Variants in OSBPL6 observed in about 807,000 individuals in gnomAD.
The protein encoded by OSBPL6 is oxysterol-binding protein-related protein 6.
OSBPL6 carries 49 observed loss-of-function variants against 125.8 expected under a neutral mutation model. The observed-to-expected ratio is 0.39, with a 90% CI of 0.31 to 0.49. The LOEUF (loss-of-function observed/expected upper bound fraction) is 0.49. Among genes scored for constraint, OSBPL6 ranks in the 20% least tolerant of loss-of-function variants. The pLI, the probability that OSBPL6 is intolerant of heterozygous loss-of-function variation, is 0.88. For missense variants in OSBPL6, 986 were observed against 1,135.4 expected, an observed-to-expected ratio of 0.87 and a Z score of 1.89; for synonymous variants, 394 against 391.8, an observed-to-expected ratio of 1.01 and a Z score of -0.07.
Position 178,265,487 on chromosome 2 carries a change from T to TAC in OSBPL6, c.-350-19438_-350-19437dup, listed in dbSNP as rs536447047. 2.0e-5 allele frequency among the ~76,000 whole-genome samples: 3 copies of TAC among 152,256 alleles called. No individual in the cohort carries two copies. In the East Asian group the frequency reaches 5.8e-4, roughly 29 times the overall value. On this transcript the variant is annotated intron_variant, in intron 1 of 24. Transcript: ENST00000190611. Reference sequence around the variant, plus strand: ...CCTTAGCCTCCCAAAGTGCTGGGATTACAGGTGCAGGCCAACGTGCCAGCT... The same window carrying TAC: ...CCTTAGCCTCCCAAAGTGCTGGGATTACACAGGTGCAGGCCAACGTGCCAGCT...
At chr2:178,313,659 G>A (rs1329381838) in intron 3 of OSBPL6, among the ~76,000 whole-genome samples, 7 of 152,224 alleles carry the variant, frequency 4.6e-5, no homozygotes, top group South Asian at 4.1e-4. Flanking sequence ...CAGTTTTTAT[G>A]AAATCTATAT....
intron 9 of OSBPL6, among the ~76,000 whole-genome samples, chr2:178,338,458 C>A (rs1689901155): frequency 6.6e-6 from 1 of 152,144 alleles, no homozygotes; most frequent in African/African-American, 2.4e-5. Flanking sequence ...CTTTGAAAAT[C>A]TGATTTGGTT....
chr2:178,299,200 A>C (rs1386573991), intron 2 of OSBPL6, among the ~76,000 whole-genome samples: 1 of 152,246 alleles, frequency 6.6e-6, no homozygotes, highest in Non-Finnish European at 1.5e-5. Context: ...TTGGAAAATT[A>C]TTACTGGTGA....
chr2:178,363,938 A>T lies in OSBPL6; in HGVS notation c.1287+2123A>T, dbSNP rs1046697813. On this transcript the variant is annotated intron_variant, in intron 13 of 24. Coordinates refer to ENST00000190611, the MANE Select transcript of OSBPL6 (RefSeq NM_032523.4). ...TGTGTGTCATCCCAGCATTTTGGTG[A>T]TGTTCACATCCCCGTGTGTGTCCAT... 2.6e-5 allele frequency among the ~76,000 whole-genome samples: 4 copies of T among 152,172 alleles called. No individual in the cohort carries two copies. In the East Asian group the frequency reaches 5.8e-4, roughly 22 times the overall value.
chr2:178,255,554 G>T (rs2091857906), intron 1 of OSBPL6, among the ~76,000 whole-genome samples: 1 of 152,138 alleles, frequency 6.6e-6, no homozygotes, highest in African/African-American at 2.4e-5. Context: ...TAGTTCTCTG[G>T]TATCAATACC....
intron 15 of OSBPL6, among the ~76,000 whole-genome samples, chr2:178,378,799 A>G (rs1440198958): frequency 1.3e-5 from 2 of 152,146 alleles, no homozygotes; most frequent in African/African-American, 2.4e-5. Context: ...AAGGCCCACT[A>G]TTATTGTAGA....
chr2:178,233,898 A>G (rs975616906), intron 1 of OSBPL6, among the ~76,000 whole-genome samples: 1 of 152,218 alleles, frequency 6.6e-6, no homozygotes, highest in African/African-American at 2.4e-5. Flanking sequence ...TATTATTCAC[A>G]GTAGACACAA....
Position 178,333,060 on chromosome 2 carries a change from A to G in OSBPL6, c.657+19A>G. 1 of 1,610,884 alleles carries G rather than the reference A, an allele frequency of 6.2e-7. No individual in the cohort carries two copies. Among genetic ancestry groups the G allele is most frequent in the Non-Finnish European group, 8.5e-7 (1 of 1,178,318 alleles). Reference sequence around the variant, plus strand: ...TGGAAAGGTATGACTTTGTTCTATAAAAACCAGCCTGAAAATTGCTTAGAA... The same window carrying G: ...TGGAAAGGTATGACTTTGTTCTATAGAAACCAGCCTGAAAATTGCTTAGAA... On this transcript the variant is annotated intron_variant, in intron 8 of 24. Transcript: ENST00000190611.
intron 8 of OSBPL6, among the ~76,000 whole-genome samples, chr2:178,334,269 C>T (rs886783577): frequency 6.6e-6 from 1 of 152,168 alleles, no homozygotes; most frequent in Non-Finnish European, 1.5e-5. Context: ...CTGGCTGCCA[C>T]AGTACGTTGT....
intron 2 of OSBPL6, among the ~76,000 whole-genome samples, chr2:178,293,005 A>ATT (rs56675067): frequency 3.3e-5 from 5 of 151,508 alleles, no homozygotes; most frequent in African/African-American, 9.7e-5. Flanking sequence ...TCAAATGTCT[A>ATT]TTTTTTTTCA....
intron 3 of OSBPL6, chr2:178,320,314 A>C (rs1174888690): frequency 6.2e-7 from 1 of 1,612,610 alleles, no homozygotes. Flanking sequence ...TTACCAAATT[A>C]AAGAGCTACA....
At chr2:178,386,638 A>T (rs535606434) in intron 19 of OSBPL6, among the ~76,000 whole-genome samples, 2 of 152,196 alleles carry the variant, frequency 1.3e-5, no homozygotes, top group South Asian at 4.1e-4. Flanking sequence ...CACTTAGTTA[A>T]AACTTATAAC....
Position 178,384,110 on chromosome 2 carries a change from C to G in OSBPL6, c.1947C>G (p.Asn649Lys). Residue 649 changes from asparagine to lysine, a missense_variant, in exon 18 of 25, where the codon AAC (asparagine) becomes AAG (lysine). Physicochemically the swap from Asn to Lys is moderately conservative, Grantham distance 94. This residue lies in a region of OSBPL6 where 843 missense variants were observed against 997.3 expected (regional missense o/e 0.85). Transcript: ENST00000190611. ...TCAGAGCAGGAAGTAAGCCATTCAA[C>G]CCAGTCCTTGGGGAGACTTATGAAT... Reference protein sequence around the residue: ...TYFRAGSKPFNPVLGETYECI... With the variant: ...TYFRAGSKPFKPVLGETYECI... 1 of 1,614,156 alleles carries G rather than the reference C, an allele frequency of 6.2e-7. No individual in the cohort carries two copies. Among genetic ancestry groups the G allele is most frequent in the Non-Finnish European group, 8.5e-7 (1 of 1,179,996 alleles).
At position 178,214,194 on chromosome 2, in the gene OSBPL6, T is replaced by A. The variant is rs538924721; in HGVS notation, c.-351+19520T>A. Among the ~76,000 whole-genome samples the A allele has an allele frequency of 9.8e-5, 15 of 152,304 alleles. No individual in the cohort carries two copies. In the South Asian group the frequency reaches 2.9e-3, roughly 29 times the overall value. ...GCAGTTGGACAGAAGCCGTGGCATATGTTATATGTATTTGAACTTATGTTT... is the reference window on the plus strand; with the variant it reads ...GCAGTTGGACAGAAGCCGTGGCATAAGTTATATGTATTTGAACTTATGTTT... On this transcript the variant is annotated intron_variant, in intron 1 of 24. Coordinates refer to ENST00000190611, the MANE Select transcript of OSBPL6 (RefSeq NM_032523.4).
intron 4 of OSBPL6, among the ~76,000 whole-genome samples, chr2:178,325,129 G>T (rs992495830): frequency 3.3e-5 from 5 of 152,174 alleles, no homozygotes; most frequent in Admixed American, 3.3e-4. Context: ...AAGTTGGAAA[G>T]ATACCATCCT....
rs933355152 is a variant in OSBPL6 at position 178,285,077 on chromosome 2, T to C, written c.-200T>C. The C allele has an allele frequency of 2.5e-6, 1 of 398,396 alleles. No individual in the cohort carries two copies. Among genetic ancestry groups the C allele is most frequent in the Non-Finnish European group, 4.4e-6 (1 of 226,000 alleles). The allele number at this position is 398,396 out of a possible 1,614,324, so 24.7% of individuals were successfully genotyped here. On this transcript the variant is annotated 5_prime_UTR_variant, in exon 2 of 25. Transcript: ENST00000190611. ...GAGGATAAATCACTGTGAAACAGCT[T>C]TGACCATAAAGCTGACTTGGAAGAC...
chr2:178,210,388 A>G (rs1339091195), intron 1 of OSBPL6, among the ~76,000 whole-genome samples: 2 of 147,870 alleles, frequency 1.4e-5, no homozygotes, highest in African/African-American at 4.9e-5. Flanking sequence ...TGCAATTAGG[A>G]CACCTTAGTA....
intron 1 of OSBPL6, among the ~76,000 whole-genome samples, chr2:178,216,723 C>T (rs920313932): frequency 4.6e-5 from 7 of 152,148 alleles, no homozygotes; most frequent in East Asian, 1.9e-4. Flanking sequence ...CTATCAATTA[C>T]GAGGAGGAAA....
At chr2:178,368,170 A>C (rs1693027543) in intron 13 of OSBPL6, among the ~76,000 whole-genome samples, 1 of 152,228 alleles carries the variant, frequency 6.6e-6, no homozygotes, top group African/African-American at 2.4e-5. Context: ...GGCAGGAAAT[A>C]ATAAATGTAG....
Sources: allele counts gnomAD v4.1 joint callset (sites outside exome capture counted in the v4.1 genomes callset), GRCh38; gene constraint gnomAD v4.1.1; regional missense constraint gnomAD v4.1.1; transcripts MANE v1.5; gene names NCBI Gene and HGNC (gene_info 2026-07-23, HGNC 2026-07-21).